Variants in NKAIN2 observed in about 807,000 individuals in gnomAD.
NKAIN2 encodes sodium/potassium transporting ATPase interacting 2, also known as sodium/potassium-transporting ATPase subunit beta-1-interacting protein 2.
A neutral mutation model predicts 32.6 loss-of-function variants in NKAIN2; 14 were observed. That is an observed-to-expected ratio of 0.43 (90% CI 0.28 to 0.67). The LOEUF is 0.67. Ranked by LOEUF, NKAIN2 falls within the 30% of genes least tolerant of loss-of-function variation. The pLI, the probability that NKAIN2 is intolerant of heterozygous loss-of-function variation, is 0.17. For synonymous variants in NKAIN2, 80 were observed against 87.2 expected, an observed-to-expected ratio of 0.92 and a Z score of 0.46; for missense variants, 198 against 258.3, an observed-to-expected ratio of 0.77 and a Z score of 1.60.
chr6:124,646,355 G>C (rs1207761250), intron 3 of NKAIN2, among the ~76,000 whole-genome samples: 1 of 152,014 alleles, frequency 6.6e-6, no homozygotes, highest in African/African-American at 2.4e-5. Flanking sequence ...AAATCTCAGA[G>C]AGTAAAGAGA....
chr6:124,197,849 T>G (rs2114613543), intron 1 of NKAIN2, among the ~76,000 whole-genome samples: 1 of 151,222 alleles, frequency 6.6e-6, no homozygotes, highest in Non-Finnish European at 1.5e-5. Flanking sequence ...TTTTTTTTTT[T>G]TTTTTTTTCA....
intron 3 of NKAIN2, among the ~76,000 whole-genome samples, chr6:124,400,598 A>G (rs1396511286): frequency 6.6e-6 from 1 of 152,214 alleles, no homozygotes; most frequent in Non-Finnish European, 1.5e-5. Context: ...TCTGCTGTAC[A>G]CCAAGTTTCC....
intron 1 of NKAIN2, among the ~76,000 whole-genome samples, chr6:124,270,232 A>T (rs1220762669): frequency 6.6e-6 from 1 of 152,214 alleles, no homozygotes; most frequent in Non-Finnish European, 1.5e-5. Flanking sequence ...AAATGGGTGG[A>T]GGGCAGCTAA....
chr6:124,127,588 G>A (rs1325329260), intron 1 of NKAIN2, among the ~76,000 whole-genome samples: 1 of 152,146 alleles, frequency 6.6e-6, no homozygotes, highest in Non-Finnish European at 1.5e-5. Context: ...GGAGGAAAAA[G>A]ACATATTGAG....
chr6:124,000,807 T>C (rs779032989), intron 1 of NKAIN2, among the ~76,000 whole-genome samples: 2 of 152,116 alleles, frequency 1.3e-5, no homozygotes, highest in Non-Finnish European at 2.9e-5. Context: ...CTGTTGTTTG[T>C]TGAGAAGATA....
chr6:124,296,009 G>A (rs1050180403), intron 2 of NKAIN2, among the ~76,000 whole-genome samples: 2 of 152,090 alleles, frequency 1.3e-5, no homozygotes, highest in African/African-American at 2.4e-5. Flanking sequence ...CACTGTTTAT[G>A]TATAAAGAAC....
intron 1 of NKAIN2, among the ~76,000 whole-genome samples, chr6:124,225,919 T>C (rs1345579405): frequency 6.6e-6 from 1 of 152,056 alleles, no homozygotes; most frequent in Non-Finnish European, 1.5e-5. Context: ...TATTTTGCTC[T>C]TTGTACACTG....
intron 1 of NKAIN2, among the ~76,000 whole-genome samples, chr6:123,850,039 C>A (rs1013822567): frequency 6.9e-6 from 1 of 145,318 alleles, no homozygotes; most frequent in Admixed American, 7.1e-5. Flanking sequence ...AACTCCTGGG[C>A]TTAAGCAGTC....
At chr6:123,948,143 G>A (rs1039187562) in intron 1 of NKAIN2, among the ~76,000 whole-genome samples, 1 of 151,898 alleles carries the variant, frequency 6.6e-6, no homozygotes, top group African/African-American at 2.4e-5. Context: ...TGTATATGTA[G>A]CACATTTTCT....
At chr6:124,161,295 C>G (rs1402946953) in intron 1 of NKAIN2, among the ~76,000 whole-genome samples, 1 of 151,986 alleles carries the variant, frequency 6.6e-6, no homozygotes, top group Non-Finnish European at 1.5e-5. Context: ...CACTTTTGAA[C>G]AACCAGAGCT....
intron 4 of NKAIN2, among the ~76,000 whole-genome samples, chr6:124,746,443 A>G (rs1777455382): frequency 6.6e-6 from 1 of 151,896 alleles, no homozygotes. Context: ...GTTTATATTT[A>G]TTGTACCATA....
chr6:124,084,702 A>T (rs1784116450), intron 1 of NKAIN2, among the ~76,000 whole-genome samples: 1 of 152,068 alleles, frequency 6.6e-6, no homozygotes, highest in Non-Finnish European at 1.5e-5. Flanking sequence ...CAAGTCTTAG[A>T]GATCAAATGC....
chr6:124,774,666 G>A lies in NKAIN2; in HGVS notation c.475-16673G>A, dbSNP rs570463453. On this transcript the variant is annotated intron_variant, in intron 4 of 6. Transcript: ENST00000368417. ...AGGTTTGGAGTTTGAGACCAGCCTG[G>A]CCAACATGATGAAACCCTGTCTCTA... is the stretch of plus-strand genomic sequence containing the variant. 5.9e-5 allele frequency among the ~76,000 whole-genome samples: 9 copies of A among 152,040 alleles called. No homozygotes were observed. In the East Asian group the frequency reaches 1.7e-3, roughly 30 times the overall value.
chr6:124,354,868 C>G (rs945227904), intron 2 of NKAIN2, among the ~76,000 whole-genome samples: 1 of 139,850 alleles, frequency 7.2e-6, no homozygotes, highest in African/African-American at 2.7e-5. Flanking sequence ...AAAAACTCAA[C>G]AGTCCAGTCT....
In NKAIN2 at chr6:124,249,761, T is replaced by G. The variant is rs117760468; in HGVS notation, c.55-33244T>G. 4.6e-3 allele frequency among the ~76,000 whole-genome samples: 694 copies of G among 152,158 alleles called. 4 individuals carry two copies. The highest frequency in any genetic ancestry group is 8.3e-3 in the Non-Finnish European group (564 of 67,974). On this transcript the variant is annotated intron_variant, in intron 1 of 6. Coordinates refer to ENST00000368417, the MANE Select transcript of NKAIN2 (RefSeq NM_001040214.3). ...TGAACTCTTGTGTCCTGGAGTTTCTTCTTTGAAGGCTGCCTGAAGCACAGA... is the reference window on the plus strand; with the variant it reads ...TGAACTCTTGTGTCCTGGAGTTTCTGCTTTGAAGGCTGCCTGAAGCACAGA...
At chr6:124,051,345 A>G (rs531510134) in intron 1 of NKAIN2, among the ~76,000 whole-genome samples, 3 of 152,096 alleles carry the variant, frequency 2.0e-5, no homozygotes, top group Non-Finnish European at 4.4e-5. Flanking sequence ...AGAGTTCAGA[A>G]AGAACAATTT....
At chr6:124,321,966 CT>C (rs1405429555) in intron 2 of NKAIN2, among the ~76,000 whole-genome samples, 21 of 152,184 alleles carry the variant, frequency 1.4e-4, no homozygotes, top group African/African-American at 5.1e-4. Context: ...TAAATTCTGA[CT>C]TTAATATATA....
At chr6:123,814,224 ACATT>A (rs1382965638) in intron 1 of NKAIN2, among the ~76,000 whole-genome samples, 2 of 152,324 alleles carry the variant, frequency 1.3e-5, no homozygotes, top group East Asian at 3.9e-4. Context: ...CAATGTTTTA[ACATT>A]CATTGTGAAT....
At chr6:124,776,533 T>C (rs959580953) in intron 4 of NKAIN2, among the ~76,000 whole-genome samples, 16 of 152,162 alleles carry the variant, frequency 1.1e-4, no homozygotes, top group East Asian at 1.9e-4. Flanking sequence ...CCAAATAGCA[T>C]GTGATATGTG....
Sources: gnomAD v4.1 joint callset for allele counts (sites outside exome capture counted in the v4.1 genomes callset) on GRCh38, gnomAD v4.1.1 for gene constraint, MANE v1.5 for transcripts, NCBI Gene and HGNC (gene_info 2026-07-23, HGNC 2026-07-21) for gene names.